The following SLC35B3 variants were observed in gnomAD, a reference collection of about 807,000 sequenced individuals.
The protein encoded by SLC35B3 is adenosine 3'-phospho 5'-phosphosulfate transporter 2.
A neutral mutation model predicts 44.1 loss-of-function variants in SLC35B3; 35 were observed. The ratio of observed to expected loss-of-function variants is 0.79; its 90% CI spans 0.61 to 1.05. SLC35B3 has a LOEUF of 1.05. Among genes scored for constraint, SLC35B3 ranks in the 50% least tolerant of loss-of-function variants. The pLI, the probability that SLC35B3 is intolerant of heterozygous loss-of-function variation, is 0.00. For missense variants in SLC35B3, 414 were observed against 476.4 expected (o/e 0.87, Z 1.22); for synonymous variants, 146 against 167.3 (o/e 0.87, Z 0.98).
chr6:8,427,914 A>C lies in SLC35B3; in HGVS notation c.419+23T>G, dbSNP rs368903181. 9.2e-5 allele frequency: 147 copies of C among 1,593,234 alleles called. 1 individual carries two copies. Among genetic ancestry groups the C allele is most frequent in the Middle Eastern group, 3.4e-4 (2 of 5,946 alleles). On this transcript the variant is annotated intron_variant, in intron 4 of 10. Transcript: ENST00000644923. ...AAATTCAACTAATATAGAAATATCA[A>C]AAAATAAAAACAAACCACATACCTC...
rs1410431742 is a variant in SLC35B3, at chr6:8,419,661, G to A, written c.699C>T (p.Ser233=). 3.3e-6 allele frequency: 5 copies of A among 1,526,316 alleles called. No homozygotes were observed. Among genetic ancestry groups the A allele is most frequent in the Non-Finnish European group, 3.5e-6 (4 of 1,127,888 alleles). The allele number at this position is 1,526,316 out of a possible 1,614,324, so 94.5% of individuals were successfully genotyped here. The change falls in exon 7 of 11, where the codon TCC becomes TCT. Residue 233 remains serine, a synonymous_variant. Coordinates refer to ENST00000644923, the MANE Select transcript of SLC35B3 (RefSeq NM_001370476.2). This position sits in a 1 kb window ranked among gnomAD's most constrained non-coding sequence, Gnocchi z 4.3. ...TGACGGCATCTGCACATAGTGCCAG[G>A]GAAATAAGCACCACACCTTCAAGAA...
At chr6:8,423,931 G>A (rs2113412363) in intron 4 of SLC35B3, among the ~76,000 whole-genome samples, 1 of 152,198 alleles carries the variant, frequency 6.6e-6, no homozygotes. Flanking sequence ...CACTTCGCCA[G>A]GTAAAATGAT....
chr6:8,414,677 T>C (rs969228650), intron 10 of SLC35B3, among the ~76,000 whole-genome samples: 3 of 151,920 alleles, frequency 2.0e-5, no homozygotes, highest in African/African-American at 7.2e-5. Context: ...TTCAAAATAA[T>C]AAATTACCAA....
chr6:8,416,126 T>A (rs1289086152), intron 9 of SLC35B3, among the ~76,000 whole-genome samples: 3 of 152,190 alleles, frequency 2.0e-5, no homozygotes, highest in Admixed American at 1.3e-4. Flanking sequence ...AATGGAATAA[T>A]CATAGTGCCT....
At chr6:8,425,582 T>A (rs1019572264) in intron 4 of SLC35B3, among the ~76,000 whole-genome samples, 9 of 152,082 alleles carry the variant, frequency 5.9e-5, no homozygotes, top group African/African-American at 2.2e-4. Context: ...TAAAGACAGG[T>A]TGAGAGGCAA....
At chr6:8,425,542 A>G (rs1763332419) in intron 4 of SLC35B3, among the ~76,000 whole-genome samples, 2 of 152,138 alleles carry the variant, frequency 1.3e-5, no homozygotes, top group Admixed American at 6.5e-5. Context: ...AAATATTTTT[A>G]CAATAATTGC....
At chr6:8,428,235 T>G (rs542364630) in intron 3 of SLC35B3, among the ~76,000 whole-genome samples, 177 bp from the exon 3 acceptor site, 99 of 152,348 alleles carry the variant, frequency 6.5e-4, no homozygotes, top group African/African-American at 2.2e-3. Flanking sequence ...TTTGAAATTC[T>G]TGTGCCATAG....
At chr6:8,429,798 T>C in intron 3 of SLC35B3, 66 bp downstream of exon 2, 2 of 1,202,932 alleles carry the variant, frequency 1.7e-6, no homozygotes, top group Non-Finnish European at 2.3e-6. Context: ...GCAAAACTAG[T>C]AAATGCCCAT....
Position 8,433,901 on chromosome 6 carries a change from T to TAA in SLC35B3, c.3+482_3+483dup, listed in dbSNP as rs3032674. ...TTAATGACTGATACTAACCATCATC[T>TAA]AAAAAAAAAAATGGGCCAAACTCCT... is the stretch of plus-strand genomic sequence containing the variant. On this transcript the variant is annotated intron_variant, in intron 2 of 10. Coordinates refer to ENST00000644923, the MANE Select transcript of SLC35B3 (RefSeq NM_001370476.2). The surrounding 1 kb of genome is among the most constrained non-coding windows in gnomAD (Gnocchi z 4.1). Among the ~76,000 whole-genome samples the TAA allele has an allele frequency of 0.03, 4,463 of 147,466 alleles. 226 individuals are homozygous for TAA. Among genetic ancestry groups the TAA allele is most frequent in the East Asian group, 0.2 (990 of 5,020 alleles).
chr6:8,415,822 T>C (rs1390739861), intron 9 of SLC35B3, among the ~76,000 whole-genome samples: 1 of 152,194 alleles, frequency 6.6e-6, no homozygotes, highest in African/African-American at 2.4e-5. Flanking sequence ...TGTGGTCATG[T>C]GTCTAGGCTA....
At chr6:8,426,765 G>C (rs541713880) in intron 4 of SLC35B3, among the ~76,000 whole-genome samples, 1 of 152,238 alleles carries the variant, frequency 6.6e-6, no homozygotes, top group South Asian at 2.1e-4. Context: ...TTTGGAACTG[G>C]GTATCAGGCA....
At position 8,411,617 on chromosome 6, in the gene SLC35B3, TGGCTGTA is replaced by T. The variant is rs1389214200; in HGVS notation, c.*1925_*1931del. On this transcript the variant is annotated 3_prime_UTR_variant, in exon 11 of 11. Transcript: ENST00000644923. ...ATGATTACCACTTGGGAAAAAACAA[TGGCTGTA>T]TTTCAGCAAATGGGCAAATGAAAAC... Among the ~76,000 whole-genome samples the T allele has an allele frequency of 1.3e-5, 2 of 152,182 alleles. No homozygotes were observed. The highest frequency in any genetic ancestry group is 2.9e-5 in the Non-Finnish European group (2 of 68,016).
In SLC35B3 at chr6:8,422,598, A is replaced by G; in HGVS notation, c.446T>C (p.Ile149Thr). Residue 149 changes from isoleucine (I) to threonine (T), a missense_variant, in exon 5 of 11, where the codon ATA becomes ACA. Coordinates refer to ENST00000644923, the MANE Select transcript of SLC35B3 (RefSeq NM_001370476.2). ...CATAGTACCCACAGTTAGAAAAGCT[A>G]TTATCATGTAGGTTTTTCCTGGTAT... The G allele has an allele frequency of 6.2e-7, 1 of 1,610,744 alleles. No individual in the cohort carries two copies. The highest frequency in any genetic ancestry group is 8.5e-7 in the Non-Finnish European group (1 of 1,179,040).
intron 3 of SLC35B3, 120 bp downstream of exon 2, chr6:8,429,744 T>TC (rs1341733968): frequency 5.7e-6 from 4 of 698,294 alleles, no homozygotes; most frequent in Admixed American, 6.6e-5. Context: ...ACTAAAAAAT[T>TC]CAAATTTATG....
At position 8,419,749 on chromosome 6, in the gene SLC35B3, T is replaced by G; in HGVS notation, c.683-72A>C. Reference sequence around the variant, plus strand: ...AAACATATGAACTATAATCAAGCTTTATCAGAAATTTCATTGGTCTAAAAA... The same window carrying G: ...AAACATATGAACTATAATCAAGCTTGATCAGAAATTTCATTGGTCTAAAAA... On this transcript the variant is annotated intron_variant, in intron 6 of 10. Coordinates refer to ENST00000644923, the MANE Select transcript of SLC35B3 (RefSeq NM_001370476.2). This position sits in a 1 kb window ranked among gnomAD's most constrained non-coding sequence, Gnocchi z 4.3. 9 of 792,220 alleles carry G rather than the reference T, an allele frequency of 1.1e-5. No homozygotes were observed. The highest frequency in any genetic ancestry group is 1.7e-5 in the Non-Finnish European group (9 of 525,196). The allele number at this position is 792,220 out of a possible 1,614,324, so 49.1% of individuals were successfully genotyped here.
chr6:8,414,379 T>C (rs1002550473), intron 10 of SLC35B3, among the ~76,000 whole-genome samples: 2 of 152,178 alleles, frequency 1.3e-5, no homozygotes, highest in African/African-American at 2.4e-5. Context: ...GTAAATATGA[T>C]AGTAAACACT....
Position 8,434,977 on chromosome 6 carries a change from G to T in SLC35B3, c.-44+366C>A. The T allele has an allele frequency of 1.4e-6, 1 of 693,708 alleles. No individual in the cohort carries two copies. Among genetic ancestry groups the T allele is most frequent in the Non-Finnish European group, 2.0e-6 (1 of 507,426 alleles). 43.0% of individuals were successfully genotyped at this position (693,708 alleles called of 1,614,324 possible). A position where few individuals can be genotyped will look rare whatever the true frequency, so the allele number is the denominator to read the frequency against. ...CCCTATTTAATAAACACGGAACGAG[G>T]AAACAGTTAACTGTAAATACAGTCT... is the stretch of plus-strand genomic sequence containing the variant. On this transcript the variant is annotated intron_variant, in intron 1 of 10. Coordinates refer to ENST00000644923, the MANE Select transcript of SLC35B3 (RefSeq NM_001370476.2). The surrounding 1 kb of genome is among the most constrained non-coding windows in gnomAD (Gnocchi z 6.3).
intron 9 of SLC35B3, among the ~76,000 whole-genome samples, chr6:8,415,353 G>T (rs1762324913): frequency 1.3e-5 from 2 of 152,162 alleles, no homozygotes; most frequent in South Asian, 4.1e-4. Context: ...TAATCTAAAG[G>T]ATATACTCAT....
chr6:8,420,402 G>T lies in SLC35B3; in HGVS notation c.682+319C>A, dbSNP rs930239422. On this transcript the variant is annotated intron_variant, in intron 6 of 10. Coordinates refer to ENST00000644923, the MANE Select transcript of SLC35B3 (RefSeq NM_001370476.2). The surrounding 1 kb of genome is among the most constrained non-coding windows in gnomAD (Gnocchi z 4.4). ...TCAGTTTTCACAAAAACAATTATTTGTTCATATTCATTTTTGAATAACGTA... is the reference window on the plus strand; with the variant it reads ...TCAGTTTTCACAAAAACAATTATTTTTTCATATTCATTTTTGAATAACGTA... Among the ~76,000 whole-genome samples, 24 of 151,988 alleles carry T rather than the reference G, an allele frequency of 1.6e-4. No homozygotes were observed. Among genetic ancestry groups the T allele is most frequent in the African/African-American group, 5.6e-4 (23 of 41,364 alleles).
Sources: gnomAD v4.1 joint callset for allele counts (sites outside exome capture counted in the v4.1 genomes callset) on GRCh38, gnomAD v4.1.1 for gene constraint, Gnocchi (gnomAD v3.1) non-coding constraint, MANE v1.5 for transcripts, NCBI Gene and HGNC (gene_info 2026-07-23, HGNC 2026-07-21) for gene names.